The following ARMC9 variants were observed in gnomAD, a reference collection of about 807,000 sequenced individuals.
The protein encoded by ARMC9 is lisH domain-containing protein ARMC9.
A neutral mutation model predicts 107.0 loss-of-function variants in ARMC9; 94 were observed. That is an observed-to-expected ratio of 0.88 (90% confidence interval 0.74 to 1.04). ARMC9 has a LOEUF of 1.04. Ranked by LOEUF, ARMC9 falls within the 50% of genes least tolerant of loss-of-function variation. The pLI is 0.00. For missense variants in ARMC9, 942 were observed against 1,030.1 expected (o/e 0.91, Z 1.17); for synonymous variants, 380 against 396.9 (o/e 0.96, Z 0.51).
chr2:231,210,665 C>T (rs1020159459), intron 3 of ARMC9, among the ~76,000 whole-genome samples: 2 of 152,214 alleles, frequency 1.3e-5, no homozygotes, highest in Admixed American at 1.3e-4. Flanking sequence ...CCAGAGGTGG[C>T]TGCTGTACAC....
At chr2:231,211,350 G>T (rs1223960211) in intron 3 of ARMC9, among the ~76,000 whole-genome samples, 1 of 149,186 alleles carries the variant, frequency 6.7e-6, no homozygotes, top group Non-Finnish European at 1.5e-5. Flanking sequence ...GTGAAACCCC[G>T]CCTCTACTAA....
At chr2:231,355,653 T>C in intron 21 of ARMC9, 145 bp from the exon 22 acceptor site, 1 of 1,057,542 alleles carries the variant, frequency 9.5e-7, no homozygotes, top group African/African-American at 1.6e-5. Flanking sequence ...GCCAAGACCC[T>C]TTAGAAGGTC....
At chr2:231,238,959 G>A (rs1437500444) in intron 8 of ARMC9, among the ~76,000 whole-genome samples, 1 of 152,216 alleles carries the variant, frequency 6.6e-6, no homozygotes, top group Non-Finnish European at 1.5e-5. Context: ...CAGTCCTGGG[G>A]GATGGCCTTC....
intron 19 of ARMC9, among the ~76,000 whole-genome samples, chr2:231,300,847 G>A (rs1464103917): frequency 6.6e-6 from 1 of 152,192 alleles, no homozygotes; most frequent in East Asian, 1.9e-4. Context: ...AGTACTCCAG[G>A]AATACTGGGA....
intron 9 of ARMC9, among the ~76,000 whole-genome samples, chr2:231,240,530 C>T (rs922748729): frequency 1.3e-5 from 2 of 152,186 alleles, no homozygotes; most frequent in Non-Finnish European, 2.9e-5. Context: ...CAAGTGAACA[C>T]GCACACATAT....
At position 231,216,782 on chromosome 2, in the gene ARMC9, G is replaced by A; in HGVS notation, c.493G>A (p.Glu165Lys). 1 of 1,612,204 alleles carries A rather than the reference G, an allele frequency of 6.2e-7. No homozygotes were observed. Among genetic ancestry groups the A allele is most frequent in the South Asian group, 1.1e-5 (1 of 90,538 alleles). ...CCCTATGGTGCACCCCTCATTTAAA[G>A]AACTCTTCCAGGTAAATGTCAGCTT... ...PNPMVHPSFKELFQDSWTPEL... is the reference protein window; with the variant it reads ...PNPMVHPSFKKLFQDSWTPEL... The change falls in exon 5 of 25, where the codon GAA (glutamate) becomes AAA (lysine). Residue 165 changes from glutamate to lysine, a missense_variant. By Grantham distance (56) the Glu-to-Lys change is moderately conservative (BLOSUM62 1). Coordinates refer to ENST00000611582, the MANE Select transcript of ARMC9 (RefSeq NM_001352754.2).
Position 231,330,250 on chromosome 2 carries a change from C to T in ARMC9, c.1774-1543C>T, listed in dbSNP as rs1387022797. Reference sequence around the variant, plus strand: ...CTTTCTTTTTTTTTTTTTTTTGAGACGGAATCTCGCTCTGTCACCCAGACT... The same window carrying T: ...CTTTCTTTTTTTTTTTTTTTTGAGATGGAATCTCGCTCTGTCACCCAGACT... On this transcript the variant is annotated intron_variant, in intron 19 of 24. Transcript: ENST00000611582. Among the ~76,000 whole-genome samples the T allele has an allele frequency of 5.1e-5, 6 of 118,588 alleles. No individual in the cohort carries two copies. In the East Asian group the frequency reaches 9.6e-4, roughly 19 times the overall value. 77.8% of individuals were successfully genotyped at this position (118,588 alleles called of 152,430 possible).
intron 1 of ARMC9, among the ~76,000 whole-genome samples, chr2:231,200,378 T>G (rs1237172829): frequency 1.3e-5 from 2 of 152,222 alleles, no homozygotes; most frequent in African/African-American, 4.8e-5. Context: ...CTCCCTGTCT[T>G]TGTGAACAGG....
intron 17 of ARMC9, among the ~76,000 whole-genome samples, chr2:231,289,990 C>T (rs2040876568): frequency 6.6e-6 from 1 of 152,214 alleles, no homozygotes; most frequent in African/African-American, 2.4e-5. Context: ...CACTCTGTGC[C>T]AGCCATTGGA....
intron 7 of ARMC9, 119 bp downstream of exon 7, chr2:231,226,917 T>C: frequency 8.2e-7 from 1 of 1,215,468 alleles, no homozygotes; most frequent in Non-Finnish European, 1.2e-6. Context: ...TCTAAATATT[T>C]ATGAAAGGCT....
At chr2:231,240,070 C>T (rs764547599) in intron 9 of ARMC9, 29 bp downstream of exon 9, 3 of 1,568,942 alleles carry the variant, frequency 1.9e-6, no homozygotes, top group East Asian at 4.5e-5. Context: ...GGCAGGGTGC[C>T]CGTGGTCTAT....
At chr2:231,303,562 T>C (rs2041882429) in intron 19 of ARMC9, among the ~76,000 whole-genome samples, 1 of 152,276 alleles carries the variant, frequency 6.6e-6, no homozygotes, top group African/African-American at 2.4e-5. Context: ...TTGGGTTTTG[T>C]TAAATGCTTT....
intron 3 of ARMC9, among the ~76,000 whole-genome samples, chr2:231,208,724 G>A (rs2032389437): frequency 6.6e-6 from 1 of 152,170 alleles, no homozygotes; most frequent in Non-Finnish European, 1.5e-5. Context: ...CCAGTGGGCT[G>A]CAGGGGCACA....
At chr2:231,316,291 A>G (rs1365671593) in intron 19 of ARMC9, among the ~76,000 whole-genome samples, 1 of 150,014 alleles carries the variant, frequency 6.7e-6, no homozygotes, top group Non-Finnish European at 1.5e-5. Flanking sequence ...AATTTTCTTT[A>G]GTTCACCTTC....
intron 19 of ARMC9, among the ~76,000 whole-genome samples, chr2:231,307,437 G>T (rs1453827932): frequency 6.6e-6 from 1 of 152,172 alleles, no homozygotes; most frequent in Non-Finnish European, 1.5e-5. Context: ...TTTGTATTTG[G>T]AAAGCACACT....
intron 23 of ARMC9, 71 bp from the exon 24 acceptor site, chr2:231,369,882 C>T (rs1467286321): frequency 1.5e-6 from 2 of 1,349,064 alleles, no homozygotes; most frequent in Non-Finnish European, 1.9e-6. Flanking sequence ...GCGGGAGCCA[C>T]CACACCCGGC....
intron 20 of ARMC9, 65 bp downstream of exon 20, chr2:231,331,962 G>A (rs541686178): frequency 9.2e-5 from 121 of 1,322,274 alleles, no homozygotes; most frequent in East Asian, 4.7e-4. Flanking sequence ...GATGGATTTC[G>A]TGTTTTCAGT....
At chr2:231,213,192 C>A (rs2033104303) in intron 3 of ARMC9, among the ~76,000 whole-genome samples, 1 of 140,588 alleles carries the variant, frequency 7.1e-6, no homozygotes, top group East Asian at 2.1e-4. Context: ...GAGACAGGGT[C>A]TCATTCTGTT....
At chr2:231,329,608 A>T (rs2043585523) in intron 19 of ARMC9, among the ~76,000 whole-genome samples, 1 of 152,190 alleles carries the variant, frequency 6.6e-6, no homozygotes, top group Non-Finnish European at 1.5e-5. Context: ...CGCGCCCGGC[A>T]GATTTCTTTC....
Sources: gnomAD v4.1 joint callset for allele counts (sites outside exome capture counted in the v4.1 genomes callset) on GRCh38, gnomAD v4.1.1 for gene constraint, MANE v1.5 for transcripts, NCBI Gene and HGNC (gene_info 2026-07-23, HGNC 2026-07-21) for gene names.